MATN2: variants seen among roughly 807,000 people sequenced by gnomAD.
MATN2 encodes matrilin-2.
A neutral mutation model predicts 103.2 loss-of-function variants in MATN2; 69 were observed. The ratio of observed to expected loss-of-function variants is 0.67; its 90% CI spans 0.55 to 0.82. The LOEUF (loss-of-function observed/expected upper bound fraction) is 0.82, where lower values mean the gene tolerates loss of function less well. Among genes scored for constraint, MATN2 ranks in the 40% least tolerant of loss-of-function variants. The pLI is 0.00. For missense variants in MATN2, 1,023 were observed against 1,211.5 expected (o/e 0.84, Z 2.31); for synonymous variants, 429 against 450.2 (o/e 0.95, Z 0.60).
At chr8:97,981,059 G>A (rs954478278) in intron 6 of MATN2, among the ~76,000 whole-genome samples, 24 of 151,438 alleles carry the variant, frequency 1.6e-4, no homozygotes, top group African/African-American at 5.6e-4. Flanking sequence ...ACAAGTGTCT[G>A]TACTCCCAGC....
chr8:97,994,153 GAA>G (rs1728842856), intron 6 of MATN2, among the ~76,000 whole-genome samples: 1 of 134,324 alleles, frequency 7.4e-6, no homozygotes, highest in Non-Finnish European at 1.5e-5. Context: ...AGGAAAGAAA[GAA>G]AGAAAAGAAA....
intron 6 of MATN2, among the ~76,000 whole-genome samples, chr8:97,988,607 C>G (rs1308701139): frequency 1.3e-5 from 2 of 152,104 alleles, no homozygotes; most frequent in African/African-American, 4.8e-5. Flanking sequence ...GCCTGGGCAA[C>G]AGAGTGAGAC....
At chr8:97,902,400 G>A (rs567847065) in intron 2 of MATN2, among the ~76,000 whole-genome samples, 1 of 151,336 alleles carries the variant, frequency 6.6e-6, no homozygotes, top group South Asian at 2.1e-4. Flanking sequence ...GGGAGGCTGA[G>A]GCAGGAGAAC....
intron 2 of MATN2, among the ~76,000 whole-genome samples, chr8:97,916,968 T>A (rs1300387472): frequency 2.0e-5 from 3 of 152,088 alleles, no homozygotes; most frequent in Non-Finnish European, 2.9e-5. Context: ...TTTTGCTGGC[T>A]CGTTGGTGCA....
At chr8:98,026,417 G>C (rs1813810585) in intron 13 of MATN2, among the ~76,000 whole-genome samples, 1 of 151,760 alleles carries the variant, frequency 6.6e-6, no homozygotes. Flanking sequence ...GCACTACCAT[G>C]CCCAGCTAAT....
At chr8:98,025,718 C>G (rs766847895) in intron 13 of MATN2, 17 of 433,484 alleles carry the variant, frequency 3.9e-5, no homozygotes, top group Admixed American at 7.7e-5. Context: ...TGTACTCCAG[C>G]CTGGGCGACA....
At chr8:98,034,198 T>TA (rs756399832) in intron 18 of MATN2, 8 of 455,794 alleles carry the variant, frequency 1.8e-5, no homozygotes, top group South Asian at 4.6e-5. Flanking sequence ...ATCGGCACTC[T>TA]AAAAAATGAA....
chr8:98,006,471 C>G lies in MATN2; in HGVS notation c.1328-634C>G, dbSNP rs151049706. Among the ~76,000 whole-genome samples the G allele has an allele frequency of 3.6e-3, 545 of 152,298 alleles. 4 individuals are homozygous for G. The highest frequency in any genetic ancestry group is 0.012 in the African/African-American group (511 of 41,556). The stretch of plus-strand genomic sequence containing the variant: ...ACCATCAACATCCACATTCACAAAT[C>G]AGGAAACGATGGCAAAGAGGCCGTG... On this transcript the variant is annotated intron_variant, in intron 8 of 18. Coordinates refer to ENST00000254898, the MANE Select transcript of MATN2 (RefSeq NM_002380.5).
intron 5 of MATN2, among the ~76,000 whole-genome samples, chr8:97,963,786 T>C (rs1811393172): frequency 6.6e-6 from 1 of 152,152 alleles, no homozygotes; most frequent in Non-Finnish European, 1.5e-5. Flanking sequence ...CCTTACCACC[T>C]TTTCCCCAAT....
intron 1 of MATN2, among the ~76,000 whole-genome samples, chr8:97,881,293 G>A (rs1190979815): frequency 6.6e-6 from 1 of 152,200 alleles, no homozygotes; most frequent in African/African-American, 2.4e-5. Context: ...AAAGCCCAGA[G>A]AGTTGTTACC....
chr8:97,891,455 A>G (rs772616632), intron 2 of MATN2, among the ~76,000 whole-genome samples: 43 of 152,116 alleles, frequency 2.8e-4, no homozygotes, highest in Non-Finnish European at 4.9e-4. Context: ...CTCCAACCTC[A>G]GCATCTCAAG....
intron 2 of MATN2, among the ~76,000 whole-genome samples, chr8:97,913,953 G>C (rs1191821545): frequency 3.3e-5 from 5 of 152,200 alleles, no homozygotes; most frequent in African/African-American, 7.2e-5. Flanking sequence ...TAAATAGGTA[G>C]AGGAGTTGAA....
chr8:97,916,132 C>T (rs144990729), intron 2 of MATN2, among the ~76,000 whole-genome samples: 3,131 of 151,554 alleles, frequency 0.021, 78 homozygotes, highest in African/African-American at 0.058. Context: ...TGTAGTGGCG[C>T]AATCTCGGCT....
chr8:97,994,269 G>GAGAAGAAGA (rs898989523), intron 6 of MATN2, among the ~76,000 whole-genome samples: 1 of 151,574 alleles, frequency 6.6e-6, no homozygotes, highest in South Asian at 2.1e-4. Context: ...AGGGAAGAAG[G>GAGAAGAAGA]AGAAGAAGGA....
intron 2 of MATN2, among the ~76,000 whole-genome samples, chr8:97,913,373 G>GA (rs1809515254): frequency 6.7e-6 from 1 of 149,796 alleles, no homozygotes; most frequent in Non-Finnish European, 1.5e-5. Context: ...GGAGTGCAGT[G>GA]GCACGATCTT....
chr8:97,969,864 A>G (rs1811599647), intron 5 of MATN2, among the ~76,000 whole-genome samples: 1 of 152,222 alleles, frequency 6.6e-6, no homozygotes, highest in Non-Finnish European at 1.5e-5. Flanking sequence ...AGATTTCAAG[A>G]GGCAGGGAGT....
chr8:97,975,127 A>G (rs1167739521), intron 5 of MATN2, among the ~76,000 whole-genome samples: 1 of 152,202 alleles, frequency 6.6e-6, no homozygotes. Context: ...AGCCAATGTG[A>G]GGCGTGTACA....
chr8:97,975,814 C>A (rs181437757), intron 5 of MATN2, among the ~76,000 whole-genome samples: 5 of 152,334 alleles, frequency 3.3e-5, no homozygotes, highest in Non-Finnish European at 7.3e-5. Context: ...ACTCCTGTGA[C>A]AAACAGACTG....
intron 6 of MATN2, among the ~76,000 whole-genome samples, chr8:97,987,388 C>T (rs2130334273): frequency 6.6e-6 from 1 of 152,178 alleles, no homozygotes; most frequent in Non-Finnish European, 1.5e-5. Flanking sequence ...CAACATGGCA[C>T]ACATTTACCT....
Sources: gnomAD v4.1 joint callset for allele counts (sites outside exome capture counted in the v4.1 genomes callset) on GRCh38, gnomAD v4.1.1 for gene constraint, MANE v1.5 for transcripts, NCBI Gene and HGNC (gene_info 2026-07-23, HGNC 2026-07-21) for gene names.